The following ALDH5A1 variants were observed in gnomAD, a reference collection of about 807,000 sequenced individuals.
The protein encoded by ALDH5A1 is succinate-semialdehyde dehydrogenase, mitochondrial.
In ALDH5A1, 33 loss-of-function variants were observed where a neutral mutation model predicts 54.7. The observed-to-expected ratio is 0.60, with a 90% confidence interval of 0.46 to 0.81. The LOEUF (loss-of-function observed/expected upper bound fraction) is 0.81, where lower values mean the gene tolerates loss of function less well. ALDH5A1 is among the 30% of genes least tolerant of loss of function. The pLI, the probability that ALDH5A1 is intolerant of heterozygous loss-of-function variation, is 0.00. For synonymous variants in ALDH5A1, 294 were observed against 292.7 expected, an observed-to-expected ratio of 1.00 and a Z score of -0.05; for missense variants, 657 against 711.0, an observed-to-expected ratio of 0.92 and a Z score of 0.86.
chr6:24,496,878 A>G (rs961416929), intron 1 of ALDH5A1, among the ~76,000 whole-genome samples: 2 of 152,126 alleles, frequency 1.3e-5, no homozygotes, highest in African/African-American at 2.4e-5. Flanking sequence ...ATTCTGAGAT[A>G]CTGGGGGGTT....
intron 5 of ALDH5A1, among the ~76,000 whole-genome samples, chr6:24,519,883 A>G (rs992377067): frequency 3.3e-5 from 5 of 151,782 alleles, no homozygotes; most frequent in East Asian, 1.9e-4. Context: ...TCTTATCTCT[A>G]TGATTTTTAA....
At chr6:24,504,740 T>G (rs1759304413) in intron 3 of ALDH5A1, 129 bp from the exon 4 acceptor site, 4 of 913,378 alleles carry the variant, frequency 4.4e-6, no homozygotes, top group Non-Finnish European at 5.5e-6. Flanking sequence ...AGAGCTCACC[T>G]GTGCAGCCAA....
At position 24,495,276 on chromosome 6, in the gene ALDH5A1, G is replaced by C. The variant is rs1764672993; in HGVS notation, c.280G>C (p.Gly94Arg). ...CGCTCTGGGCATGGTAGCCGACTGC[G>C]GGGTGCGAGAGGCCCGCGCCGCCGT... ...GAALGMVADC[G>R]VREARAAVRA... Residue 94 changes from glycine (G) to arginine (R), a missense_variant, in exon 1 of 10, where the codon GGG (glycine) becomes CGG (arginine). Gly to Arg is a moderately radical substitution (Grantham distance 125). Around this residue, in one of 2 missense-constraint regions of ALDH5A1, gnomAD observed 232 missense variants for 194.6 expected, o/e 1.19. Transcript: ENST00000357578. The C allele has an allele frequency of 6.5e-7, 1 of 1,532,456 alleles. No individual in the cohort carries two copies. Among genetic ancestry groups the C allele is most frequent in the South Asian group, 1.2e-5 (1 of 83,910 alleles). 94.9% of individuals were successfully genotyped at this position (1,532,456 alleles called of 1,614,324 possible). A position where few individuals can be genotyped will look rare whatever the true frequency, so the allele number is the denominator to read the frequency against.
rs1759608440 is a variant in ALDH5A1 at position 24,518,140 on chromosome 6, A to G, written c.871-2261A>G. The stretch of plus-strand genomic sequence containing the variant: ...GAATTCCCCTCTCCTTCACTAGAGA[A>G]GAGAGAGAGCTGTTTTGCTTTCTGT... On this transcript the variant is annotated intron_variant, in intron 5 of 9. Coordinates refer to ENST00000357578, the MANE Select transcript of ALDH5A1 (RefSeq NM_001080.3). The surrounding 1 kb of genome is among the most constrained non-coding windows in gnomAD (Gnocchi z 4.2). 6.6e-6 allele frequency among the ~76,000 whole-genome samples: 1 copy of G among 152,198 alleles called. No homozygotes were observed. Among genetic ancestry groups the G allele is most frequent in the Non-Finnish European group, 1.5e-5 (1 of 68,032 alleles).
At chr6:24,504,407 A>C (rs1022790340) in intron 3 of ALDH5A1, among the ~76,000 whole-genome samples, 2 of 152,246 alleles carry the variant, frequency 1.3e-5, no homozygotes, top group Non-Finnish European at 2.9e-5. Flanking sequence ...AACCATTGCT[A>C]ATACTTACTC....
chr6:24,495,204 C>A lies in ALDH5A1; in HGVS notation c.208C>A (p.Leu70Ile), dbSNP rs886061268. ...CGACAGCTTCGTGGGCGGCCGCTGG[C>A]TCCCGGCCGCCGCCACCTTCCCCGT... Reference protein sequence around the residue: ...RTDSFVGGRWLPAAATFPVQD... With the variant: ...RTDSFVGGRWIPAAATFPVQD... Residue 70 changes from leucine (L) to isoleucine (I), a missense_variant, in exon 1 of 10, where the codon CTC (leucine) becomes ATC (isoleucine). By Grantham distance (5) the Leu-to-Ile change is conservative. Around this residue, in one of 2 missense-constraint regions of ALDH5A1, gnomAD observed 232 missense variants for 194.6 expected, o/e 1.19. Coordinates refer to ENST00000357578, the MANE Select transcript of ALDH5A1 (RefSeq NM_001080.3). 1 of 1,507,460 alleles carries A rather than the reference C, an allele frequency of 6.6e-7. No individual in the cohort carries two copies. 93.4% of individuals were successfully genotyped at this position (1,507,460 alleles called of 1,614,324 possible).
intron 4 of ALDH5A1, among the ~76,000 whole-genome samples, chr6:24,507,393 T>C (rs1197581304): frequency 6.6e-6 from 1 of 152,170 alleles, no homozygotes; most frequent in African/African-American, 2.4e-5. Context: ...TCTTGAAAAT[T>C]CAGATGGTAA....
chr6:24,529,670 G>GTTTTTTTTT (rs55878931), intron 8 of ALDH5A1, among the ~76,000 whole-genome samples: 59 of 86,346 alleles, frequency 6.8e-4, no homozygotes, highest in Non-Finnish European at 9.9e-4. Context: ...TTTGGTTTGG[G>GTTTTTTTTT]TTTTTTTTTT....
In ALDH5A1 at chr6:24,524,760, G is replaced by T. The variant is rs146546887; in HGVS notation, c.1173+1835G>T. Among the ~76,000 whole-genome samples, 82 of 152,322 alleles carry T rather than the reference G, an allele frequency of 5.4e-4. 1 individual carries two copies. The highest frequency in any genetic ancestry group is 1.9e-3 in the African/African-American group (80 of 41,566). ...TTCACTTGTCTAGTGAAGGCAATTTGGGTCTAGGCCAGCTGTGGTTCAAGT... is the reference window on the plus strand; with the variant it reads ...TTCACTTGTCTAGTGAAGGCAATTTTGGTCTAGGCCAGCTGTGGTTCAAGT... On this transcript the variant is annotated intron_variant, in intron 7 of 9. Transcript: ENST00000357578.
chr6:24,512,752 C>T (rs1759482282), intron 4 of ALDH5A1, among the ~76,000 whole-genome samples: 1 of 152,106 alleles, frequency 6.6e-6, no homozygotes, highest in African/African-American at 2.4e-5. Flanking sequence ...TGAAATGACA[C>T]AGTCTTGGCT....
intron 1 of ALDH5A1, among the ~76,000 whole-genome samples, chr6:24,501,560 T>A (rs984156584): frequency 6.6e-6 from 1 of 151,658 alleles, no homozygotes; most frequent in Non-Finnish European, 1.5e-5. Flanking sequence ...GTTAAAAAAA[T>A]AGCTGAGCGT....
rs763594639 is a variant in ALDH5A1, at chr6:24,509,822, G to A, written c.726+4837G>A. Among the ~76,000 whole-genome samples, 1 of 151,750 alleles carries A rather than the reference G, an allele frequency of 6.6e-6. No individual in the cohort carries two copies. Among genetic ancestry groups the A allele is most frequent in the African/African-American group, 2.4e-5 (1 of 41,318 alleles). On this transcript the variant is annotated intron_variant, in intron 4 of 9. Transcript: ENST00000357578. The surrounding 1 kb of genome is among the most constrained non-coding windows in gnomAD (Gnocchi z 4.7). ...TTCATTTAGTTCTGCTCTGATCTTG[G>A]TTATTTCCTTTCTTCTGCTGGGTTT...
rs570939339 is a variant in ALDH5A1 at position 24,505,088 on chromosome 6, G to A, written c.726+103G>A. On this transcript the variant is annotated intron_variant, in intron 4 of 9. Coordinates refer to ENST00000357578, the MANE Select transcript of ALDH5A1 (RefSeq NM_001080.3). ...TTTTGGAGCCTACTTCTTTGCTTAC[G>A]CCTCCTGATGCATGGTGTTGTGTAT... The A allele has an allele frequency of 3.3e-4, 371 of 1,111,692 alleles. No homozygotes were observed. The African/African-American group carries it at 4.1e-3, about 12-fold the overall frequency. 68.9% of individuals were successfully genotyped at this position (1,111,692 alleles called of 1,614,324 possible). A position where few individuals can be genotyped will look rare whatever the true frequency, so the allele number is the denominator to read the frequency against.
chr6:24,508,963 A>G (rs1759412380), intron 4 of ALDH5A1, among the ~76,000 whole-genome samples: 1 of 151,386 alleles, frequency 6.6e-6, no homozygotes, highest in African/African-American at 2.4e-5. Flanking sequence ...TTTTGATGGG[A>G]GTGTTTTCTT....
rs1759401882 is a variant in ALDH5A1 at position 24,508,394 on chromosome 6, ATAGTCTC to A, written c.726+3412_726+3418del. Reference sequence around the variant, plus strand: ...AAAAAAAAAAAAAAAAAAAAGATTAATAGTCTCTAATCCTCTAATCTCATCCAGCCCA... The same window carrying A: ...AAAAAAAAAAAAAAAAAAAAGATTAATAATCCTCTAATCTCATCCAGCCCA... On this transcript the variant is annotated intron_variant, in intron 4 of 9. Coordinates refer to ENST00000357578, the MANE Select transcript of ALDH5A1 (RefSeq NM_001080.3). Among the ~76,000 whole-genome samples the A allele has an allele frequency of 6.8e-5, 4 of 58,440 alleles. 1 individual carries two copies. The highest frequency in any genetic ancestry group is 1.4e-4 in the Admixed American group (1 of 7,354). The allele number at this position is 58,440 out of a possible 152,430, so 38.3% of individuals were successfully genotyped here.
intron 4 of ALDH5A1, among the ~76,000 whole-genome samples, chr6:24,512,311 C>T (rs887026260): frequency 2.0e-5 from 3 of 152,174 alleles, no homozygotes; most frequent in Admixed American, 1.3e-4. Flanking sequence ...TTCCTGCAGT[C>T]GTTCTGGAGC....
chr6:24,506,243 C>CT (rs70974913), intron 4 of ALDH5A1, among the ~76,000 whole-genome samples: 4,122 of 51,972 alleles, frequency 0.079, 1,175 homozygotes, highest in African/African-American at 0.1. Context: ...TTCCTGGTTC[C>CT]TTTTTTTTTT....
intron 4 of ALDH5A1, among the ~76,000 whole-genome samples, chr6:24,508,603 A>G (rs748421732): frequency 2.0e-5 from 3 of 151,484 alleles, no homozygotes; most frequent in Admixed American, 1.3e-4. Flanking sequence ...TCTTTTCTGT[A>G]TAATGACTTC....
intron 7 of ALDH5A1, among the ~76,000 whole-genome samples, chr6:24,524,918 A>G (rs1480986377): frequency 6.6e-6 from 1 of 152,202 alleles, no homozygotes; most frequent in Non-Finnish European, 1.5e-5. Context: ...CCCCAGTATG[A>G]TGCTAGTTTG....
Sources: gnomAD v4.1 joint callset for allele counts (sites outside exome capture counted in the v4.1 genomes callset) on GRCh38, gnomAD v4.1.1 for gene constraint, gnomAD v4.1.1 regional missense constraint, Gnocchi (gnomAD v3.1) non-coding constraint, MANE v1.5 for transcripts, NCBI Gene and HGNC (gene_info 2026-07-23, HGNC 2026-07-21) for gene names.